Variants in GRM8 observed in about 807,000 individuals in gnomAD.
The protein encoded by GRM8 is metabotropic glutamate receptor 8.
GRM8 carries 47 observed loss-of-function variants against 87.2 expected under a neutral mutation model. That is an observed-to-expected ratio of 0.54 (90% CI 0.43 to 0.69). The LOEUF (loss-of-function observed/expected upper bound fraction) is 0.69, where lower values mean the gene tolerates loss of function less well. GRM8 is among the 30% of genes least tolerant of loss of function. The pLI is 0.00. For missense variants in GRM8, 1,019 were observed against 1,139.2 expected, an observed-to-expected ratio of 0.89 and a Z score of 1.52; for synonymous variants, 396 against 404.5, an observed-to-expected ratio of 0.98 and a Z score of 0.25.
At chr7:127,086,390 G>A (rs566509912) in intron 3 of GRM8, among the ~76,000 whole-genome samples, 1 of 152,276 alleles carries the variant, frequency 6.6e-6, no homozygotes, top group South Asian at 2.1e-4. Flanking sequence ...GTGAGCCACT[G>A]CGCCTGGCCC....
At chr7:127,220,025 A>G (rs1440612278) in intron 2 of GRM8, among the ~76,000 whole-genome samples, 1 of 152,194 alleles carries the variant, frequency 6.6e-6, no homozygotes, top group Non-Finnish European at 1.5e-5. Context: ...AACCTACTGA[A>G]TCTATACCAT....
intron 6 of GRM8, among the ~76,000 whole-genome samples, chr7:126,802,771 G>A (rs1369453177): frequency 2.0e-5 from 3 of 152,060 alleles, no homozygotes; most frequent in Non-Finnish European, 2.9e-5. Flanking sequence ...GCCACAAACT[G>A]GAATAAAACC....
chr7:127,086,244 G>A (rs1439859611), intron 3 of GRM8, among the ~76,000 whole-genome samples: 2 of 152,020 alleles, frequency 1.3e-5, no homozygotes, highest in African/African-American at 4.8e-5. Flanking sequence ...GGGACTGCAG[G>A]CACACGCCAC....
intron 3 of GRM8, among the ~76,000 whole-genome samples, chr7:126,916,658 C>G (rs1388575298): frequency 6.6e-6 from 1 of 152,208 alleles, no homozygotes; most frequent in Non-Finnish European, 1.5e-5. Context: ...AGTGAGGGGT[C>G]TTTGCTCAAA....
intron 3 of GRM8, among the ~76,000 whole-genome samples, chr7:126,911,598 G>C (rs1205415814): frequency 6.6e-6 from 1 of 152,156 alleles, no homozygotes; most frequent in African/African-American, 2.4e-5. Context: ...GACTCTCCTA[G>C]AAGCAAACCT....
At chr7:127,189,566 G>T (rs1794913583) in intron 2 of GRM8, among the ~76,000 whole-genome samples, 1 of 152,102 alleles carries the variant, frequency 6.6e-6, no homozygotes, top group South Asian at 2.1e-4. Flanking sequence ...TCTAGTCTGT[G>T]GCCTAATGAC....
intron 6 of GRM8, among the ~76,000 whole-genome samples, chr7:126,821,786 G>C (rs1040673854): frequency 1.3e-5 from 2 of 152,088 alleles, no homozygotes; most frequent in East Asian, 1.9e-4. Context: ...ATTATCATCA[G>C]TGCAATACTA....
At chr7:126,572,447 A>C (rs73449233) in intron 8 of GRM8, among the ~76,000 whole-genome samples, 10 of 152,340 alleles carry the variant, frequency 6.6e-5, no homozygotes, top group African/African-American at 2.4e-4. Flanking sequence ...GCTGCTCTGC[A>C]CAGGGAATGC....
intron 3 of GRM8, among the ~76,000 whole-genome samples, chr7:127,042,477 C>A (rs150895193): frequency 3.3e-5 from 5 of 152,254 alleles, no homozygotes; most frequent in African/African-American, 1.2e-4. Flanking sequence ...AAACCCTTTG[C>A]AGATTGACAA....
At chr7:127,119,883 C>T (rs939143931) in intron 2 of GRM8, among the ~76,000 whole-genome samples, 1 of 152,156 alleles carries the variant, frequency 6.6e-6, no homozygotes, top group Non-Finnish European at 1.5e-5. Context: ...GTTAGCATTC[C>T]TTAGGATGTG....
In GRM8 at chr7:126,723,202, C is replaced by T. The variant is rs116044281; in HGVS notation, c.1357+46663G>A. Among the ~76,000 whole-genome samples the T allele has an allele frequency of 5.2e-3, 796 of 151,666 alleles. 10 individuals carry two copies. The highest frequency in any genetic ancestry group is 0.018 in the African/African-American group (758 of 41,342). ...ATCTAGATGAAAGCAGATCTAACTG[C>T]GGGTGGCATTAAAAAACATGATGTG... is the stretch of plus-strand genomic sequence containing the variant. On this transcript the variant is annotated intron_variant, in intron 7 of 10. Transcript: ENST00000339582.
chr7:126,892,151 T>C (rs1349483127), intron 6 of GRM8, among the ~76,000 whole-genome samples: 6 of 151,952 alleles, frequency 3.9e-5, no homozygotes, highest in Admixed American at 6.6e-5. Flanking sequence ...TTAAATTTTA[T>C]TATTATTATA....
chr7:127,096,625 T>C (rs1290409219), intron 3 of GRM8, among the ~76,000 whole-genome samples: 1 of 151,974 alleles, frequency 6.6e-6, no homozygotes, highest in East Asian at 1.9e-4. Context: ...TTGTTATGTA[T>C]GATCTCACCC....
chr7:127,103,939 C>T (rs1411565794), intron 3 of GRM8, among the ~76,000 whole-genome samples: 1 of 152,182 alleles, frequency 6.6e-6, no homozygotes, highest in Non-Finnish European at 1.5e-5. Flanking sequence ...CACTCATAAA[C>T]TTCATTCTCC....
chr7:127,230,890 T>C (rs1051209219), intron 2 of GRM8, among the ~76,000 whole-genome samples: 2 of 152,186 alleles, frequency 1.3e-5, no homozygotes, highest in African/African-American at 2.4e-5. Context: ...ACAGAGCTGA[T>C]TGAGAAACCT....
intron 3 of GRM8, among the ~76,000 whole-genome samples, chr7:127,017,514 C>T (rs534979971): frequency 2.6e-5 from 4 of 152,152 alleles, no homozygotes; most frequent in African/African-American, 9.6e-5. Flanking sequence ...AATGATGTCA[C>T]AAATGACACC....
intron 6 of GRM8, among the ~76,000 whole-genome samples, chr7:126,859,923 C>T (rs1204513): frequency 0.66 from 100,659 of 151,966 alleles, 33,771 homozygotes; most frequent in African/African-American, 0.76. Context: ...GGAATACTAA[C>T]ATGTGTTAGA....
chr7:127,065,687 T>G (rs1337329744), intron 3 of GRM8, among the ~76,000 whole-genome samples: 2 of 152,124 alleles, frequency 1.3e-5, no homozygotes, highest in Non-Finnish European at 2.9e-5. Flanking sequence ...TGTGAGCAAG[T>G]CAAGATCACA....
chr7:127,250,936 G>C (rs1798829231), intron 1 of GRM8: 1 of 152,092 alleles, frequency 6.6e-6, no homozygotes, highest in Non-Finnish European at 1.5e-5. Flanking sequence ...GATTTTTCTT[G>C]TATCTCCACC....
Sources: allele counts gnomAD v4.1 joint callset (sites outside exome capture counted in the v4.1 genomes callset), GRCh38; gene constraint gnomAD v4.1.1; transcripts MANE v1.5; gene names NCBI Gene and HGNC (gene_info 2026-07-23, HGNC 2026-07-21).